The following CSMD1 variants were observed in gnomAD, a reference collection of about 807,000 sequenced individuals.
CSMD1 encodes CUB and sushi domain-containing protein 1.
In CSMD1, 213 loss-of-function variants were observed where a neutral mutation model predicts 417.5. The ratio of observed to expected loss-of-function variants is 0.51; its 90% CI spans 0.46 to 0.57. CSMD1 has a LOEUF of 0.57. CSMD1 is among the 20% of genes least tolerant of loss of function. CSMD1 has a pLI of 0.00. For missense variants in CSMD1, 6,923 were observed against 4,529.7 expected, an observed-to-expected ratio of 1.53 and a Z score of -15.17; for synonymous variants, 2,862 against 1,736.8, an observed-to-expected ratio of 1.65 and a Z score of -16.11.
chr8:4,778,866 A>G (rs533078739), intron 1 of CSMD1, among the ~76,000 whole-genome samples: 1 of 152,370 alleles, frequency 6.6e-6, no homozygotes, highest in Admixed American at 6.5e-5. Flanking sequence ...AAGAACTGCT[A>G]TACAATGTAG....
At chr8:4,161,541 C>T (rs1309140645) in intron 3 of CSMD1, among the ~76,000 whole-genome samples, 1 of 152,164 alleles carries the variant, frequency 6.6e-6, no homozygotes, top group Non-Finnish European at 1.5e-5. Flanking sequence ...CCACTGTGCA[C>T]CTCCTACTAC....
intron 1 of CSMD1, among the ~76,000 whole-genome samples, chr8:4,800,047 T>C (rs1442780519): frequency 6.6e-6 from 1 of 152,200 alleles, no homozygotes; most frequent in Non-Finnish European, 1.5e-5. Context: ...ACTGTTACTA[T>C]TACACCAAAA....
chr8:3,281,394 A>G (rs112299708), intron 26 of CSMD1, among the ~76,000 whole-genome samples: 1 of 152,170 alleles, frequency 6.6e-6, no homozygotes, highest in Admixed American at 6.5e-5. Flanking sequence ...CAGTGAGCCA[A>G]GATCATGCCA....
intron 4 of CSMD1, among the ~76,000 whole-genome samples, chr8:4,017,498 G>A (rs932142863): frequency 3.6e-4 from 55 of 152,008 alleles, no homozygotes; most frequent in African/African-American, 1.2e-3. Flanking sequence ...TAGAGACGGG[G>A]TTTCTCCATG....
intron 2 of CSMD1, among the ~76,000 whole-genome samples, chr8:4,450,245 G>C (rs149663739): frequency 6.6e-6 from 1 of 152,310 alleles, no homozygotes; most frequent in Non-Finnish European, 1.5e-5. Context: ...AAAGCAAAGA[G>C]ACAGTGTCTG....
intron 8 of CSMD1, among the ~76,000 whole-genome samples, chr8:3,604,501 A>G (rs559494188): frequency 1.3e-5 from 2 of 152,328 alleles, no homozygotes; most frequent in South Asian, 2.1e-4. Flanking sequence ...AAGACGTGCT[A>G]AAGAGGAGAG....
chr8:4,757,863 G>A (rs560646696), intron 1 of CSMD1, among the ~76,000 whole-genome samples: 20 of 150,738 alleles, frequency 1.3e-4, no homozygotes, highest in Admixed American at 2.7e-4. Flanking sequence ...GGAAGCTGAG[G>A]CAGAAGAATC....
intron 3 of CSMD1, among the ~76,000 whole-genome samples, chr8:4,167,032 G>C (rs181087010): frequency 1.3e-5 from 2 of 152,088 alleles, no homozygotes; most frequent in African/African-American, 4.8e-5. Context: ...TTTCCCAGGG[G>C]ACTGCTAGAA....
At chr8:4,548,330 T>C (rs1359175164) in intron 2 of CSMD1, among the ~76,000 whole-genome samples, 6 of 152,182 alleles carry the variant, frequency 3.9e-5, no homozygotes, top group Non-Finnish European at 4.4e-5. Context: ...TTTAATAATA[T>C]CACCCCAAGA....
chr8:3,582,246 T>G (rs954884661), intron 9 of CSMD1, among the ~76,000 whole-genome samples: 7 of 152,204 alleles, frequency 4.6e-5, no homozygotes, highest in African/African-American at 1.7e-4. Context: ...CTGGACACTG[T>G]AGATATATAA....
intron 5 of CSMD1, among the ~76,000 whole-genome samples, chr8:3,952,139 A>C (rs901225457): frequency 1.3e-5 from 2 of 152,144 alleles, no homozygotes; most frequent in African/African-American, 4.8e-5. Flanking sequence ...TGGTTCACAA[A>C]GTATGGTCGC....
chr8:3,163,618 A>T (rs111712758), intron 37 of CSMD1, among the ~76,000 whole-genome samples: 1 of 143,624 alleles, frequency 7.0e-6, no homozygotes, highest in South Asian at 2.2e-4. Context: ...TCCGAAAAAG[A>T]AAAAAAAAAA....
intron 3 of CSMD1, among the ~76,000 whole-genome samples, chr8:4,358,924 T>G (rs1466618489): frequency 1.3e-5 from 2 of 151,986 alleles, no homozygotes; most frequent in Non-Finnish European, 2.9e-5. Flanking sequence ...TTAAAAAAAC[T>G]GAATAATTAG....
chr8:3,951,729 TG>T (rs551541343), intron 5 of CSMD1, among the ~76,000 whole-genome samples: 2 of 152,066 alleles, frequency 1.3e-5, no homozygotes, highest in African/African-American at 2.4e-5. Flanking sequence ...ATTAACAACA[TG>T]GGGGGCATTA....
At chr8:4,709,250 G>A (rs879709013) in intron 1 of CSMD1, among the ~76,000 whole-genome samples, 2 of 152,140 alleles carry the variant, frequency 1.3e-5, no homozygotes, top group Non-Finnish European at 2.9e-5. Flanking sequence ...GACTGGTGTG[G>A]GGAGTAGAGT....
At chr8:3,243,123 G>T (rs1443884574) in intron 26 of CSMD1, among the ~76,000 whole-genome samples, 1 of 152,144 alleles carries the variant, frequency 6.6e-6, no homozygotes, top group African/African-American at 2.4e-5. Flanking sequence ...AGGAGAAAGT[G>T]GTTGAGGGAT....
chr8:4,453,897 C>T (rs375471804), intron 2 of CSMD1, among the ~76,000 whole-genome samples: 1 of 145,578 alleles, frequency 6.9e-6, no homozygotes, highest in Non-Finnish European at 1.5e-5. Flanking sequence ...CCTCGGCTCA[C>T]TGCCAGCTCC....
intron 2 of CSMD1, among the ~76,000 whole-genome samples, chr8:4,563,031 G>C (rs1357363791): frequency 1.3e-5 from 2 of 152,134 alleles, no homozygotes; most frequent in Non-Finnish European, 2.9e-5. Flanking sequence ...GTTTTAAACA[G>C]TGTTTTATTT....
chr8:4,503,545 A>G (rs897176067), intron 2 of CSMD1, among the ~76,000 whole-genome samples: 1 of 152,190 alleles, frequency 6.6e-6, no homozygotes, highest in Non-Finnish European at 1.5e-5. Flanking sequence ...CCAATAAATG[A>G]TTTTGTCAAA....
Sources: allele counts gnomAD v4.1 joint callset (sites outside exome capture counted in the v4.1 genomes callset), GRCh38; gene constraint gnomAD v4.1.1; transcripts MANE v1.5; gene names NCBI Gene and HGNC (gene_info 2026-07-23, HGNC 2026-07-21).